NEK10: variants seen among roughly 807,000 people sequenced by gnomAD.
The protein encoded by NEK10 is serine/threonine-protein kinase Nek10.
NEK10 carries 122 observed loss-of-function variants against 159.8 expected under a neutral mutation model. The observed-to-expected ratio is 0.76, with a 90% CI of 0.66 to 0.89. The LOEUF is 0.89. Ranked by LOEUF, NEK10 falls within the 40% of genes least tolerant of loss-of-function variation. The pLI is 0.00. For synonymous variants in NEK10, 466 were observed against 457.1 expected (o/e 1.02, Z -0.25); for missense variants, 1,342 against 1,323.1 (o/e 1.01, Z -0.22).
rs112021602 is a variant in NEK10, at chr3:27,111,378, A to T, written c.3300-58T>A. 45 of 1,339,246 alleles carry T rather than the reference A, an allele frequency of 3.4e-5. No homozygotes were observed. In the African/African-American group the frequency reaches 4.2e-4, roughly 12 times the overall value. The allele number at this position is 1,339,246 out of a possible 1,614,324, so 83.0% of individuals were successfully genotyped here. A position where few individuals can be genotyped will look rare whatever the true frequency, so the allele number is the denominator to read the frequency against. ...TAGTTACAAATATTTTAGTTCATAC[A>T]TTCAATTTCAAAAACTGGGGCTCAG... On this transcript the variant is annotated intron_variant, in intron 35 of 35. Coordinates refer to ENST00000691995, the MANE Select transcript of NEK10 (RefSeq NM_001394966.1).
intron 30 of NEK10, among the ~76,000 whole-genome samples, chr3:27,152,873 GA>G (rs1472964465): frequency 6.6e-6 from 1 of 151,884 alleles, no homozygotes; most frequent in African/African-American, 2.4e-5. Flanking sequence ...TCTTATATCA[GA>G]CAAAAAAAAC....
At chr3:27,352,945 T>C (rs2048076780) in intron 1 of NEK10, 26 bp from the exon 2 acceptor site, 1 of 1,280,274 alleles carries the variant, frequency 7.8e-7, no homozygotes, top group African/African-American at 1.5e-5. Context: ...AGAGGGAAAA[T>C]TTTAGTTGGG....
intron 3 of NEK10, among the ~76,000 whole-genome samples, chr3:27,351,604 C>T (rs904089374): frequency 6.6e-6 from 1 of 152,092 alleles, no homozygotes; most frequent in African/African-American, 2.4e-5. Context: ...GCCATCAAAT[C>T]ATTTTCCAGT....
intron 35 of NEK10, among the ~76,000 whole-genome samples, chr3:27,114,493 AG>A (rs1201585214): frequency 3.3e-5 from 5 of 152,198 alleles, no homozygotes; most frequent in Non-Finnish European, 7.3e-5. Flanking sequence ...CAAAAGAGCA[AG>A]TAGTTGAATA....
chr3:27,196,722 C>T (rs986277780), intron 25 of NEK10, among the ~76,000 whole-genome samples: 5 of 152,146 alleles, frequency 3.3e-5, no homozygotes, highest in South Asian at 2.1e-4. Flanking sequence ...TTGTTATTTG[C>T]GCTACCTTTC....
intron 33 of NEK10, among the ~76,000 whole-genome samples, chr3:27,117,484 C>T (rs975476510): frequency 6.6e-6 from 1 of 152,180 alleles, no homozygotes; most frequent in Non-Finnish European, 1.5e-5. Context: ...GCCTTGCCAA[C>T]ATCTGTTGTT....
At position 27,201,992 on chromosome 3, in the gene NEK10, A is replaced by T. The variant is rs182370645; in HGVS notation, c.2221-412T>A. On this transcript the variant is annotated intron_variant, in intron 24 of 35. Transcript: ENST00000691995. ...TGGCCAACATGGTGAAACCTAAAAA[A>T]AAAAATAAAAAATTCGGGCATGGTG... 1.8e-3 allele frequency among the ~76,000 whole-genome samples: 272 copies of T among 152,082 alleles called. 2 individuals are homozygous for T. The highest frequency in any genetic ancestry group is 6.4e-3 in the African/African-American group (265 of 41,488).
chr3:27,122,115 A>G (rs994595799), intron 32 of NEK10, among the ~76,000 whole-genome samples: 1 of 152,152 alleles, frequency 6.6e-6, no homozygotes, highest in East Asian at 1.9e-4. Context: ...GTGATAACTG[A>G]TAACTGAGGT....
rs191556142 is a variant in NEK10, at chr3:27,250,158, T to A, written c.2090+6138A>T. 3.9e-5 allele frequency among the ~76,000 whole-genome samples: 6 copies of A among 152,184 alleles called. No individual in the cohort carries two copies. In the East Asian group the frequency reaches 1.2e-3, roughly 29 times the overall value. On this transcript the variant is annotated intron_variant, in intron 23 of 35. Transcript: ENST00000691995. ...TAGTTTATATACCACAATTACAGTA[T>A]TATAATATTCTTTGTTTTTCTGTGT...
chr3:27,367,275 G>A (rs2049166333), intron 1 of NEK10, among the ~76,000 whole-genome samples: 1 of 152,200 alleles, frequency 6.6e-6, no homozygotes, highest in Non-Finnish European at 1.5e-5. Flanking sequence ...TTTGTTATGT[G>A]TTACACAATT....
At chr3:27,262,879 C>T (rs1037224091) in intron 22 of NEK10, among the ~76,000 whole-genome samples, 1 of 152,238 alleles carries the variant, frequency 6.6e-6, no homozygotes, top group African/African-American at 2.4e-5. Context: ...TGGTGAGGAG[C>T]TGCATTCCTT....
chr3:27,185,659 C>T (rs1948547760), intron 26 of NEK10, among the ~76,000 whole-genome samples: 1 of 152,240 alleles, frequency 6.6e-6, no homozygotes, highest in Non-Finnish European at 1.5e-5. Flanking sequence ...TATGTATCTA[C>T]TGCTCGTTCT....
chr3:27,260,688 G>T (rs1238528384), intron 22 of NEK10, among the ~76,000 whole-genome samples: 1 of 151,950 alleles, frequency 6.6e-6, no homozygotes, highest in Non-Finnish European at 1.5e-5. Context: ...TCTCTTTTTT[G>T]GTTGTGTCTC....
intron 5 of NEK10, among the ~76,000 whole-genome samples, chr3:27,335,475 G>T (rs1410379096): frequency 2.0e-5 from 3 of 151,888 alleles, no homozygotes; most frequent in African/African-American, 4.8e-5. Flanking sequence ...ACAAAGAAAC[G>T]TTGGATTTAA....
chr3:27,341,654 C>T (rs2047211087), intron 5 of NEK10, among the ~76,000 whole-genome samples: 1 of 152,072 alleles, frequency 6.6e-6, no homozygotes, highest in South Asian at 2.1e-4. Context: ...CAAGTCTTTT[C>T]CAGTTTCAGA....
chr3:27,278,906 T>G lies in NEK10; in HGVS notation c.2014+5696A>C, dbSNP rs139541118. On this transcript the variant is annotated intron_variant, in intron 22 of 35. Coordinates refer to ENST00000691995, the MANE Select transcript of NEK10 (RefSeq NM_001394966.1). ...CAAATGTTGACTGTGTCTCACCCCA[T>G]GTACCACTGAATCGGGGTCTGTTTC... is the stretch of plus-strand genomic sequence containing the variant. The G allele has an allele frequency of 9.6e-5, 95 of 984,880 alleles. No individual in the cohort carries two copies. The African/African-American group carries it at 1.6e-3, about 16-fold the overall frequency. The allele number at this position is 984,880 out of a possible 1,614,324, so 61.0% of individuals were successfully genotyped here. A position where few individuals can be genotyped will look rare whatever the true frequency, so the allele number is the denominator to read the frequency against.
chr3:27,220,278 T>C (rs1187959286), intron 23 of NEK10, among the ~76,000 whole-genome samples: 1 of 152,224 alleles, frequency 6.6e-6, no homozygotes, highest in African/African-American at 2.4e-5. Flanking sequence ...CATTTCTTTC[T>C]GAAGGTTCTG....
chr3:27,350,054 C>T (rs2047856464), intron 3 of NEK10, among the ~76,000 whole-genome samples: 1 of 152,154 alleles, frequency 6.6e-6, no homozygotes, highest in African/African-American at 2.4e-5. Context: ...CACTCTCTAC[C>T]TACAAGGTAG....
chr3:27,170,147 T>G (rs2148857965), intron 29 of NEK10, among the ~76,000 whole-genome samples: 1 of 152,284 alleles, frequency 6.6e-6, no homozygotes, highest in East Asian at 1.9e-4. Context: ...TTTGCTTGTA[T>G]CCAAAAAGCC....
Sources: allele counts gnomAD v4.1 joint callset (sites outside exome capture counted in the v4.1 genomes callset), GRCh38; gene constraint gnomAD v4.1.1; transcripts MANE v1.5; gene names NCBI Gene and HGNC (gene_info 2026-07-23, HGNC 2026-07-21).